The following TRAPPC12 variants were observed in gnomAD, a reference collection of about 807,000 sequenced individuals.
The protein encoded by TRAPPC12 is trafficking protein particle complex subunit 12.
A neutral mutation model predicts 69.2 loss-of-function variants in TRAPPC12; 61 were observed. The ratio of observed to expected loss-of-function variants is 0.88; its 90% CI spans 0.72 to 1.09. The LOEUF is 1.09. Among genes scored for constraint, TRAPPC12 ranks in the 50% least tolerant of loss-of-function variants. The pLI is 0.00. For missense variants in TRAPPC12, 1,101 were observed against 1,016.4 expected (o/e 1.08, Z -1.13); for synonymous variants, 469 against 438.9 (o/e 1.07, Z -0.86).
chr2:3,468,890 T>C (rs1290014533), intron 9 of TRAPPC12, among the ~76,000 whole-genome samples: 1 of 152,150 alleles, frequency 6.6e-6, no homozygotes, highest in African/African-American at 2.4e-5. Flanking sequence ...CGGAGTCAGA[T>C]TGCAGTCGAT....
intron 5 of TRAPPC12, among the ~76,000 whole-genome samples, chr2:3,426,377 A>C (rs960609499): frequency 1.3e-5 from 2 of 152,264 alleles, no homozygotes; most frequent in African/African-American, 4.8e-5. Flanking sequence ...ACTCTGTGTC[A>C]TCCAGGGACG....
chr2:3,422,208 T>A (rs185265851), intron 4 of TRAPPC12, among the ~76,000 whole-genome samples: 118 of 152,324 alleles, frequency 7.7e-4, no homozygotes, highest in Non-Finnish European at 2.4e-4. Flanking sequence ...CGCTCACAAG[T>A]GCCCACACTC....
intron 6 of TRAPPC12, chr2:3,456,847 G>A (rs1665180008): frequency 7.0e-6 from 2 of 286,370 alleles, no homozygotes; most frequent in African/African-American, 4.7e-5. Flanking sequence ...CCAAGGTGTT[G>A]GGATTACAGG....
chr2:3,425,840 TAAAC>T (rs990750943), intron 5 of TRAPPC12, among the ~76,000 whole-genome samples: 7 of 152,214 alleles, frequency 4.6e-5, no homozygotes, highest in Admixed American at 4.6e-4. Flanking sequence ...AAAATTTAAA[TAAAC>T]ATTCTGTTGA....
In TRAPPC12 at chr2:3,423,490, C is replaced by A. The variant is rs144531055; in HGVS notation, c.1279-1035C>A. ...CCTTTGACTAACATCTCTCAAACCT[C>A]CCCTGCCCGGCCCTCCTCCCCACCC... On this transcript the variant is annotated intron_variant, in intron 4 of 11. Coordinates refer to ENST00000324266, the MANE Select transcript of TRAPPC12 (RefSeq NM_016030.6). Among the ~76,000 whole-genome samples the A allele has an allele frequency of 2.1e-3, 325 of 152,204 alleles. 9 individuals are homozygous for A. The East Asian group carries it at 0.052, about 24-fold the overall frequency.
In TRAPPC12 at chr2:3,379,742, C is replaced by G. The variant is rs900530054; in HGVS notation, c.-139C>G. The G allele has an allele frequency of 6.6e-6, 1 of 152,438 alleles. No individual in the cohort carries two copies. The highest frequency in any genetic ancestry group is 1.5e-5 in the Non-Finnish European group (1 of 68,098). 9.4% of individuals were successfully genotyped at this position (152,438 alleles called of 1,614,324 possible). On this transcript the variant is annotated 5_prime_UTR_variant, in exon 1 of 12. Coordinates refer to ENST00000324266, the MANE Select transcript of TRAPPC12 (RefSeq NM_016030.6). ...TGAGCAGAACTAGGCGCGCCGCGGC[C>G]CGGCACGCGCAGGCGTACAGAGCTC... is the stretch of plus-strand genomic sequence containing the variant.
chr2:3,424,004 C>T (rs144983522), intron 4 of TRAPPC12, among the ~76,000 whole-genome samples: 98 of 152,290 alleles, frequency 6.4e-4, no homozygotes, highest in African/African-American at 2.3e-3. Context: ...GCCCTGAGAG[C>T]TGCCCTCAAA....
At chr2:3,460,723 A>G (rs1665442276) in intron 8 of TRAPPC12, 1 of 187,890 alleles carries the variant, frequency 5.3e-6, no homozygotes, top group African/African-American at 2.4e-5. Context: ...TGATGCTTAC[A>G]ACACCTGAAG....
rs1160144128 is a variant in TRAPPC12 at position 3,465,401 on chromosome 2, G to C, written c.1678-196G>C. Among the ~76,000 whole-genome samples, 6 of 145,916 alleles carry C rather than the reference G, an allele frequency of 4.1e-5. No homozygotes were observed. The East Asian group carries it at 7.7e-4, about 19-fold the overall frequency. On this transcript the variant is annotated intron_variant, in intron 8 of 11. Transcript: ENST00000324266. ...TGCGATGCGCACAGCTCAGAATCCCGGCCCGACTGCAGTCGGGAGAGCAGC... is the reference window on the plus strand; with the variant it reads ...TGCGATGCGCACAGCTCAGAATCCCCGCCCGACTGCAGTCGGGAGAGCAGC...
chr2:3,470,541 C>T (rs963021974), intron 9 of TRAPPC12, among the ~76,000 whole-genome samples: 2 of 152,232 alleles, frequency 1.3e-5, no homozygotes, highest in African/African-American at 4.8e-5. Flanking sequence ...CCAGTGCCGT[C>T]GCCAAATCAG....
chr2:3,388,638 A>G lies in TRAPPC12; in HGVS notation c.1015A>G (p.Thr339Ala). The G allele has an allele frequency of 6.3e-7, 1 of 1,580,480 alleles. No homozygotes were observed. Among genetic ancestry groups the G allele is most frequent in the South Asian group, 1.1e-5 (1 of 87,114 alleles). ...CGTGTTCGTGGACAAGGAGAACCTCACCATGCCGGGCCTCAGGTTCGACAA... is the reference window on the plus strand; with the variant it reads ...CGTGTTCGTGGACAAGGAGAACCTCGCCATGCCGGGCCTCAGGTTCGACAA... The part of the protein sequence containing the change: ...GAVFVDKENL[T>A]MPGLRFDNIQ... The change falls in exon 2 of 12, where the codon ACC becomes GCC. Residue 339 changes from threonine to alanine, a missense_variant. Coordinates refer to ENST00000324266, the MANE Select transcript of TRAPPC12 (RefSeq NM_016030.6).
intron 4 of TRAPPC12, among the ~76,000 whole-genome samples, chr2:3,422,199 G>A (rs948671358): frequency 6.6e-6 from 1 of 152,180 alleles, no homozygotes; most frequent in Non-Finnish European, 1.5e-5. Flanking sequence ...CCAGAAGCAC[G>A]CTCACAAGTG....
At chr2:3,445,595 T>G (rs1351791746) in intron 6 of TRAPPC12, among the ~76,000 whole-genome samples, 2 of 152,236 alleles carry the variant, frequency 1.3e-5, no homozygotes, top group Non-Finnish European at 2.9e-5. Flanking sequence ...CATTTAATCC[T>G]TATCACAACC....
At chr2:3,388,763 G>C in intron 2 of TRAPPC12, 93 bp downstream of exon 2, 1 of 1,274,322 alleles carries the variant, frequency 7.8e-7, no homozygotes, top group Non-Finnish European at 1.0e-6. Context: ...GAAGGAGAAG[G>C]CCTTGTTTTC....
intron 8 of TRAPPC12, among the ~76,000 whole-genome samples, chr2:3,462,489 TAATTA>T (rs1370923751): frequency 3.3e-5 from 5 of 152,262 alleles, no homozygotes; most frequent in Non-Finnish European, 7.3e-5. Context: ...GGTATCCTGT[TAATTA>T]AATTATGTAT....
chr2:3,416,432 A>C (rs1295296326), intron 3 of TRAPPC12, among the ~76,000 whole-genome samples: 1 of 151,962 alleles, frequency 6.6e-6, no homozygotes, highest in African/African-American at 2.4e-5. Flanking sequence ...CTGAGAGCAG[A>C]AGCACTGCAG....
rs78884768 is a variant in TRAPPC12 at position 3,414,699 on chromosome 2, C to T, written c.1165-7182C>T. Among the ~76,000 whole-genome samples, 2,651 of 152,258 alleles carry T rather than the reference C, an allele frequency of 0.017. 113 individuals carry two copies. The East Asian group carries it at 0.17, about 10-fold the overall frequency. On this transcript the variant is annotated intron_variant, in intron 3 of 11. Transcript: ENST00000324266. This position sits in a 1 kb window ranked among gnomAD's most constrained non-coding sequence, Gnocchi z 4.9. ...CGTGTCCATGCCGTGCCGCTTGTGCCTCTGCCCCGCGAGGGACACCATTCC... is the reference window on the plus strand; with the variant it reads ...CGTGTCCATGCCGTGCCGCTTGTGCTTCTGCCCCGCGAGGGACACCATTCC...
At chr2:3,460,631 A>T in intron 8 of TRAPPC12, 2 of 359,946 alleles carry the variant, frequency 5.6e-6, no homozygotes, top group South Asian at 6.6e-5. Flanking sequence ...TTTTCTCTGA[A>T]CTCCATCCCC....
At position 3,423,808 on chromosome 2, in the gene TRAPPC12, C is replaced by T. The variant is rs182894327; in HGVS notation, c.1279-717C>T. ...ATCCAATTAGGTCATTTCTAAGGTA[C>T]CCTTTTAATCCTAAGTCTCTGGCTC... On this transcript the variant is annotated intron_variant, in intron 4 of 11. Transcript: ENST00000324266. Among the ~76,000 whole-genome samples, 137 of 152,330 alleles carry T rather than the reference C, an allele frequency of 9.0e-4. 1 individual carries two copies. Among genetic ancestry groups the T allele is most frequent in the African/African-American group, 3.2e-3 (133 of 41,572 alleles).
Sources: gnomAD v4.1 joint callset for allele counts (sites outside exome capture counted in the v4.1 genomes callset) on GRCh38, gnomAD v4.1.1 for gene constraint, Gnocchi (gnomAD v3.1) non-coding constraint, MANE v1.5 for transcripts, NCBI Gene and HGNC (gene_info 2026-07-23, HGNC 2026-07-21) for gene names.